The following ANXA4 variants were observed in gnomAD, a reference collection of about 807,000 sequenced individuals.
ANXA4 encodes the protein annexin A4, also known as 35-beta calcimedin.
A neutral mutation model predicts 49.8 loss-of-function variants in ANXA4; 39 were observed. The observed-to-expected ratio is 0.78, with a 90% confidence interval of 0.61 to 1.02. The LOEUF is 1.02. Ranked by LOEUF, ANXA4 falls within the 50% of genes least tolerant of loss-of-function variation. The pLI, the probability that ANXA4 is intolerant of heterozygous loss-of-function variation, is 0.00. For synonymous variants in ANXA4, 134 were observed against 152.5 expected (o/e 0.88, Z 0.89); for missense variants, 360 against 410.1 (o/e 0.88, Z 1.05).
At chr2:69,683,247 G>A (rs1054187435) in intron 2 of ANXA4, among the ~76,000 whole-genome samples, 2 of 152,182 alleles carry the variant, frequency 1.3e-5, no homozygotes, top group Non-Finnish European at 2.9e-5. Flanking sequence ...ACTCTTAGGT[G>A]AGCTATATTT....
intron 2 of ANXA4, among the ~76,000 whole-genome samples, chr2:69,693,230 G>A (rs1032434135): frequency 2.0e-5 from 3 of 152,100 alleles, no homozygotes; most frequent in African/African-American, 7.2e-5. Context: ...CATAGAGTTG[G>A]TCGGTGCAGT....
At chr2:69,681,524 C>T (rs1677600811) in intron 2 of ANXA4, among the ~76,000 whole-genome samples, 1 of 152,060 alleles carries the variant, frequency 6.6e-6, no homozygotes, top group Admixed American at 6.6e-5. Context: ...GCCACCATAT[C>T]CAGCTAATTT....
intron 8 of ANXA4, among the ~76,000 whole-genome samples, chr2:69,813,555 G>C (rs1431435467): frequency 6.6e-6 from 1 of 151,012 alleles, no homozygotes; most frequent in Non-Finnish European, 1.5e-5. Flanking sequence ...GTGGCCCACT[G>C]TTCTAAATTC....
At chr2:69,802,172 G>C (rs1291809873) in intron 3 of ANXA4, among the ~76,000 whole-genome samples, 1 of 152,164 alleles carries the variant, frequency 6.6e-6, no homozygotes, top group Non-Finnish European at 1.5e-5. Flanking sequence ...TTTCTGAGCA[G>C]GGGAGAGACA....
At chr2:69,822,823 G>A (rs1213723314) in intron 12 of ANXA4, among the ~76,000 whole-genome samples, 4 of 151,944 alleles carry the variant, frequency 2.6e-5, no homozygotes, top group African/African-American at 9.7e-5. Context: ...GGTGATGAAA[G>A]GGTTTTAGAA....
intron 2 of ANXA4, among the ~76,000 whole-genome samples, chr2:69,704,729 G>T (rs1265143435): frequency 2.0e-5 from 3 of 152,144 alleles, no homozygotes; most frequent in African/African-American, 7.2e-5. Flanking sequence ...ATGTCCCATT[G>T]TTCTAAAGAA....
intron 2 of ANXA4, among the ~76,000 whole-genome samples, chr2:69,783,229 T>G (rs184486049): frequency 4.6e-4 from 70 of 151,438 alleles, no homozygotes; most frequent in Non-Finnish European, 7.2e-4. Flanking sequence ...TTATTTTTAT[T>G]TTTTTTGAGA....
chr2:69,810,502 G>T, intron 6 of ANXA4, 92 bp from the exon 7 acceptor site: 1 of 1,030,470 alleles, frequency 9.7e-7, no homozygotes, highest in Non-Finnish European at 1.5e-6. Flanking sequence ...CCATAAGCAG[G>T]CTGGTCTTGA....
intron 7 of ANXA4, among the ~76,000 whole-genome samples, chr2:69,812,115 C>T (rs1339932750): frequency 6.8e-6 from 1 of 146,782 alleles, no homozygotes; most frequent in Admixed American, 6.8e-5. Context: ...TTCCCAACCT[C>T]CCCACCTTTT....
At chr2:69,808,567 A>G (rs1270034210) in intron 6 of ANXA4, 1 of 153,210 alleles carries the variant, frequency 6.5e-6, no homozygotes, top group Non-Finnish European at 1.5e-5. Context: ...AAAAATGCCC[A>G]AGAGTAGCAG....
At chr2:69,663,691 A>C (rs1460274710) in intron 2 of ANXA4, among the ~76,000 whole-genome samples, 1 of 152,108 alleles carries the variant, frequency 6.6e-6, no homozygotes, top group African/African-American at 2.4e-5. Flanking sequence ...TACTCTAAAA[A>C]ATGAACACTC....
At chr2:69,685,374 T>C (rs1677751759) in intron 2 of ANXA4, among the ~76,000 whole-genome samples, 1 of 152,170 alleles carries the variant, frequency 6.6e-6, no homozygotes, top group Non-Finnish European at 1.5e-5. Context: ...TGATATTCTT[T>C]TGGACAAGAC....
rs1027196757 is a variant in ANXA4 at position 69,712,351 on chromosome 2, G to A, written n.767-8423G>A. On this transcript the variant is annotated intron_variant and non_coding_transcript_variant, in intron 2 of 3. Coordinates refer to the ANXA4 transcript ENST00000418066. ...TCACTCTCTTGGTCCTTTACATTCC[G>A]TGGGGAGAAGCAGTAGAAAATTACC... Among the ~76,000 whole-genome samples, 11 of 152,320 alleles carry A rather than the reference G, an allele frequency of 7.2e-5. 1 individual carries two copies. Among genetic ancestry groups the A allele is most frequent in the Admixed American group, 2.6e-4 (4 of 15,304 alleles).
chr2:69,723,017 C>CAA (rs139818407), intron 3 of ANXA4, among the ~76,000 whole-genome samples: 319 of 145,530 alleles, frequency 2.2e-3, no homozygotes, highest in African/African-American at 4.0e-3. Context: ...CTAAAAATAC[C>CAA]AAAAAATATA....
intron 2 of ANXA4, among the ~76,000 whole-genome samples, chr2:69,653,804 T>C (rs192556773): frequency 1.2e-3 from 188 of 152,362 alleles, no homozygotes; most frequent in Non-Finnish European, 2.3e-3. Context: ...AAAGTAGTTT[T>C]TTCTAATTCT....
At chr2:69,796,138 A>G (rs950330029) in intron 3 of ANXA4, among the ~76,000 whole-genome samples, 3 of 152,226 alleles carry the variant, frequency 2.0e-5, no homozygotes, top group Admixed American at 2.0e-4. Context: ...AGTGACCTCC[A>G]TATCCAGGGG....
intron 2 of ANXA4, among the ~76,000 whole-genome samples, chr2:69,699,315 C>T (rs193074258): frequency 4.6e-5 from 7 of 152,216 alleles, no homozygotes; most frequent in African/African-American, 1.7e-4. Context: ...ATGTGGAAAG[C>T]ACATGTGAAA....
intron 1 of ANXA4, among the ~76,000 whole-genome samples, chr2:69,652,657 G>C (rs768051798): frequency 6.6e-6 from 1 of 152,050 alleles, no homozygotes; most frequent in Non-Finnish European, 1.5e-5. Context: ...TCAGGCTTTC[G>C]AGACCAGTCT....
chr2:69,800,631 G>A (rs1673151233), intron 3 of ANXA4, among the ~76,000 whole-genome samples: 1 of 152,206 alleles, frequency 6.6e-6, no homozygotes, highest in Admixed American at 6.5e-5. Context: ...GCTTCTTGGA[G>A]GATGTAGATG....
Sources: gnomAD v4.1 joint callset for allele counts (sites outside exome capture counted in the v4.1 genomes callset) on GRCh38, gnomAD v4.1.1 for gene constraint, MANE v1.5 for transcripts, NCBI Gene and HGNC (gene_info 2026-07-23, HGNC 2026-07-21) for gene names.